MUSK: variants seen among roughly 807,000 people sequenced by gnomAD.
MUSK encodes the protein muscle, skeletal receptor tyrosine-protein kinase.
A neutral mutation model predicts 88.7 loss-of-function variants in MUSK; 55 were observed. The observed-to-expected ratio is 0.62, with a 90% CI of 0.50 to 0.78. The LOEUF is 0.78. Among genes scored for constraint, MUSK ranks in the 30% least tolerant of loss-of-function variants. The pLI is 0.00. For missense variants in MUSK, 1,015 were observed against 1,074.3 expected (o/e 0.94, Z 0.77); for synonymous variants, 387 against 391.9 (o/e 0.99, Z 0.15).
chr9:110,695,870 A>C (rs1195138378), intron 4 of MUSK, among the ~76,000 whole-genome samples: 1 of 152,100 alleles, frequency 6.6e-6, no homozygotes, highest in African/African-American at 2.4e-5. Flanking sequence ...AAAAACTAAA[A>C]CCCAGGCTTT....
chr9:110,758,331 A>C (rs1282023132), intron 7 of MUSK, among the ~76,000 whole-genome samples: 1 of 152,208 alleles, frequency 6.6e-6, no homozygotes, highest in African/African-American at 2.4e-5. Flanking sequence ...GAGAATCATA[A>C]CATTTTGAAA....
chr9:110,784,596 C>G (rs2077820417), intron 11 of MUSK, among the ~76,000 whole-genome samples: 1 of 151,916 alleles, frequency 6.6e-6, no homozygotes, highest in South Asian at 2.1e-4. Flanking sequence ...AAAAAAAAAC[C>G]TATTTCCTCT....
intron 5 of MUSK, among the ~76,000 whole-genome samples, chr9:110,730,495 T>C (rs1360735882): frequency 1.3e-5 from 2 of 152,112 alleles, no homozygotes; most frequent in Non-Finnish European, 2.9e-5. Flanking sequence ...GCCCATTTTA[T>C]TTAATAAGAA....
chr9:110,692,326 C>T (rs895106962), intron 3 of MUSK, among the ~76,000 whole-genome samples: 1 of 151,798 alleles, frequency 6.6e-6, no homozygotes, highest in African/African-American at 2.4e-5. Flanking sequence ...TACCAGGCTA[C>T]TTTTATTTAT....
At chr9:110,700,455 A>G (rs1482391519) in intron 5 of MUSK, among the ~76,000 whole-genome samples, 3 of 152,132 alleles carry the variant, frequency 2.0e-5, no homozygotes, top group Non-Finnish European at 4.4e-5. Flanking sequence ...GAAAACCAGA[A>G]TTCTGCAAAT....
intron 3 of MUSK, among the ~76,000 whole-genome samples, chr9:110,691,126 A>G (rs1300737777): frequency 6.6e-6 from 1 of 151,842 alleles, no homozygotes; most frequent in Non-Finnish European, 1.5e-5. Context: ...TGGCCTCCCA[A>G]AGTTCTGGGA....
At chr9:110,781,006 G>A (rs1419486000) in intron 11 of MUSK, among the ~76,000 whole-genome samples, 1 of 149,032 alleles carries the variant, frequency 6.7e-6, no homozygotes, top group Non-Finnish European at 1.5e-5. Context: ...ATTTGCTGCA[G>A]GGCATAGTCC....
chr9:110,788,703 TA>T (rs11411485), intron 14 of MUSK, among the ~76,000 whole-genome samples: 9 of 147,862 alleles, frequency 6.1e-5, no homozygotes, highest in Non-Finnish European at 7.5e-5. Context: ...AGACAGATAA[TA>T]AAAAAAAAAC....
At chr9:110,727,508 C>T (rs1042136235) in intron 5 of MUSK, 1 of 154,280 alleles carries the variant, frequency 6.5e-6, no homozygotes, top group Non-Finnish European at 1.4e-5. Context: ...TCATCTGACT[C>T]ACCCATTCTG....
At chr9:110,681,080 T>TATATTA (rs1491549151) in intron 1 of MUSK, among the ~76,000 whole-genome samples, 2 of 25,988 alleles carry the variant, frequency 7.7e-5, no homozygotes, top group Non-Finnish European at 1.3e-4. Context: ...ATTATATATA[T>TATATTA]TATATAATAT....
intron 6 of MUSK, among the ~76,000 whole-genome samples, chr9:110,737,236 T>C (rs2077041446): frequency 6.6e-6 from 1 of 152,010 alleles, no homozygotes. Flanking sequence ...TTATATAGAC[T>C]TTAACCACTT....
At chr9:110,798,765 G>T (rs2078050218) in intron 14 of MUSK, among the ~76,000 whole-genome samples, 1 of 152,080 alleles carries the variant, frequency 6.6e-6, no homozygotes, top group African/African-American at 2.4e-5. Flanking sequence ...TTACAATATA[G>T]AAAACATTTT....
chr9:110,789,468 G>A (rs186217768), intron 14 of MUSK, among the ~76,000 whole-genome samples: 1 of 152,328 alleles, frequency 6.6e-6, no homozygotes, highest in East Asian at 1.9e-4. Flanking sequence ...AGTGGAGAGA[G>A]TGGGAATTCA....
chr9:110,775,550 A>G (rs2077654079), intron 9 of MUSK: 2 of 518,422 alleles, frequency 3.9e-6, no homozygotes, highest in East Asian at 6.9e-5. Flanking sequence ...TTTTTCCCTT[A>G]GACTAGCATT....
At chr9:110,725,255 G>C (rs1449831986) in intron 5 of MUSK, among the ~76,000 whole-genome samples, 4 of 151,990 alleles carry the variant, frequency 2.6e-5, no homozygotes, top group Non-Finnish European at 5.9e-5. Flanking sequence ...GGACTCAGGG[G>C]AAAAGAGTGG....
intron 13 of MUSK, among the ~76,000 whole-genome samples, chr9:110,786,153 A>G (rs1043527285): frequency 1.3e-5 from 2 of 151,428 alleles, no homozygotes; most frequent in African/African-American, 4.8e-5. Flanking sequence ...TCTACTAAAA[A>G]TACAAAATTG....
intron 5 of MUSK, among the ~76,000 whole-genome samples, chr9:110,710,522 C>T (rs2076654446): frequency 6.6e-6 from 1 of 152,258 alleles, no homozygotes; most frequent in African/African-American, 2.4e-5. Context: ...AGAATGTCAA[C>T]ATTAACAACT....
chr9:110,731,337 T>C (rs931889337), intron 5 of MUSK, among the ~76,000 whole-genome samples: 1 of 152,010 alleles, frequency 6.6e-6, no homozygotes, highest in Non-Finnish European at 1.5e-5. Flanking sequence ...ATAGTGGTGA[T>C]ATGATACAAT....
Position 110,800,463 on chromosome 9 carries a change from AC to A in MUSK, c.2089del (p.Leu697SerfsTer30). ...CTCAGGTCTCCAGCCCTGGGCCCCC[AC>A]CCCTCTCCTGTGCTGAGCAGCTTTG... Reference protein sequence around the residue: ...RAQVSSPGPPPLSCAEQLCIA... With the variant: ...RAQVSSPGPPXLSCAEQLCIA... On this transcript the variant is annotated frameshift_variant, in exon 15 of 15. Transcript: ENST00000374448. LOFTEE classifies it high-confidence loss of function. 1 of 1,613,542 alleles carries A rather than the reference AC, an allele frequency of 6.2e-7. No individual in the cohort carries two copies. Among genetic ancestry groups the A allele is most frequent in the Non-Finnish European group, 8.5e-7 (1 of 1,179,776 alleles).
Sources: allele counts gnomAD v4.1 joint callset (sites outside exome capture counted in the v4.1 genomes callset), GRCh38; gene constraint gnomAD v4.1.1; transcripts MANE v1.5; gene names NCBI Gene and HGNC (gene_info 2026-07-23, HGNC 2026-07-21).